The following CA10 variants were observed in gnomAD, a reference collection of about 807,000 sequenced individuals.
CA10 encodes the protein carbonic anhydrase-related protein 10.
Under a neutral mutation model 44.2 loss-of-function variants are expected in CA10, and 14 were observed. The ratio of observed to expected loss-of-function variants is 0.32; its 90% CI spans 0.21 to 0.50. The LOEUF is 0.50. Among genes scored for constraint, CA10 ranks in the 20% least tolerant of loss-of-function variants. The pLI, the probability that CA10 is intolerant of heterozygous loss-of-function variation, is 0.99. For synonymous variants in CA10, 159 were observed against 141.6 expected (o/e 1.12, Z -0.87); for missense variants, 350 against 409.7 (o/e 0.85, Z 1.26).
chr17:52,070,336 C>CCTCTT (rs61407718), intron 2 of CA10: 150,677 of 152,238 alleles, frequency 0.99, 74,583 homozygotes, highest in East Asian at 1. Flanking sequence ...TAATTGTCTC[C>CCTCTT]CTCAAGCAGA....
At chr17:51,908,772 A>T (rs1436085620) in intron 3 of CA10, among the ~76,000 whole-genome samples, 1 of 152,180 alleles carries the variant, frequency 6.6e-6, no homozygotes, top group African/African-American at 2.4e-5. Context: ...CTCCTGTCGC[A>T]TTCACTGGAT....
At chr17:52,003,916 G>C (rs1386036981) in intron 2 of CA10, among the ~76,000 whole-genome samples, 3 of 145,346 alleles carry the variant, frequency 2.1e-5, no homozygotes, top group Non-Finnish European at 4.5e-5. Flanking sequence ...ATTCAGAATA[G>C]ATACTTATAG....
intron 3 of CA10, among the ~76,000 whole-genome samples, chr17:51,825,659 G>C (rs113361631): frequency 6.3e-4 from 96 of 152,292 alleles, no homozygotes; most frequent in African/African-American, 2.3e-3. Flanking sequence ...ACTTTTGCAC[G>C]TTTCTGTTTT....
At chr17:51,955,367 G>T (rs191851996) in intron 2 of CA10, among the ~76,000 whole-genome samples, 1 of 152,068 alleles carries the variant, frequency 6.6e-6, no homozygotes, top group South Asian at 2.1e-4. Context: ...TGTAAAGTCC[G>T]CATTCCTTAG....
At chr17:52,119,654 C>G (rs144689777) in intron 1 of CA10, among the ~76,000 whole-genome samples, 1 of 152,294 alleles carries the variant, frequency 6.6e-6, no homozygotes, top group African/African-American at 2.4e-5. Flanking sequence ...CAAAGCCAAT[C>G]TGAAAGGCCT....
At chr17:51,877,408 C>T (rs180844936) in intron 3 of CA10, among the ~76,000 whole-genome samples, 3 of 152,296 alleles carry the variant, frequency 2.0e-5, no homozygotes, top group Admixed American at 2.0e-4. Context: ...GCATTTAACA[C>T]AATTCTTGGC....
intron 4 of CA10, among the ~76,000 whole-genome samples, chr17:51,689,010 G>A (rs375580321): frequency 4.6e-5 from 7 of 152,194 alleles, no homozygotes; most frequent in Admixed American, 2.0e-4. Context: ...AAGGGGTAAC[G>A]GAGGCACAGA....
chr17:51,706,359 C>T (rs1049884007), intron 4 of CA10, among the ~76,000 whole-genome samples: 1 of 152,232 alleles, frequency 6.6e-6, no homozygotes, highest in African/African-American at 2.4e-5. Flanking sequence ...CTGTACATTT[C>T]TGTGGCTCTA....
At chr17:52,027,937 G>A (rs935653082) in intron 2 of CA10, among the ~76,000 whole-genome samples, 3 of 152,108 alleles carry the variant, frequency 2.0e-5, no homozygotes, top group African/African-American at 7.2e-5. Flanking sequence ...AGAGCTTCTG[G>A]GATCCTACTT....
intron 3 of CA10, among the ~76,000 whole-genome samples, chr17:51,863,765 G>A (rs906299213): frequency 6.6e-6 from 1 of 152,198 alleles, no homozygotes; most frequent in African/African-American, 2.4e-5. Context: ...AGTAAGAGAT[G>A]CATAGAAAGA....
chr17:51,722,247 C>T (rs1010726104), intron 4 of CA10, among the ~76,000 whole-genome samples: 16 of 152,064 alleles, frequency 1.1e-4, no homozygotes, highest in Admixed American at 9.2e-4. Flanking sequence ...TTGTCTAATG[C>T]ACCGAGAGTG....
intron 2 of CA10, among the ~76,000 whole-genome samples, chr17:52,002,602 C>T (rs982564668): frequency 6.6e-6 from 1 of 151,940 alleles, no homozygotes; most frequent in Non-Finnish European, 1.5e-5. Context: ...TATATCTACA[C>T]TTATTTATGG....
At chr17:51,861,307 T>C (rs1197695693) in intron 3 of CA10, among the ~76,000 whole-genome samples, 1 of 152,144 alleles carries the variant, frequency 6.6e-6, no homozygotes, top group Non-Finnish European at 1.5e-5. Flanking sequence ...GTTTGCAGTT[T>C]CTCCAACGTT....
intron 1 of CA10, among the ~76,000 whole-genome samples, chr17:52,075,219 T>C (rs1987786955): frequency 6.6e-6 from 1 of 152,208 alleles, no homozygotes; most frequent in Admixed American, 6.5e-5. Flanking sequence ...CAAAATATTA[T>C]ATATTTCAAT....
intron 3 of CA10, among the ~76,000 whole-genome samples, chr17:51,918,935 T>C (rs1486441783): frequency 6.6e-6 from 1 of 152,202 alleles, no homozygotes; most frequent in Non-Finnish European, 1.5e-5. Context: ...TAAAGTTGTA[T>C]CTATATGACA....
intron 3 of CA10, among the ~76,000 whole-genome samples, chr17:51,887,810 T>TAAGTA (rs1980675478): frequency 7.1e-6 from 1 of 140,162 alleles, no homozygotes; most frequent in African/African-American, 2.7e-5. Context: ...GCCAAGATGG[T>TAAGTA]GAAACCCCTA....
At chr17:51,784,564 T>C (rs1456504730) in intron 3 of CA10, among the ~76,000 whole-genome samples, 1 of 152,212 alleles carries the variant, frequency 6.6e-6, no homozygotes, top group African/African-American at 2.4e-5. Flanking sequence ...TCAACCTCCA[T>C]GAGAACAACT....
chr17:52,053,609 A>T (rs1987139462), intron 2 of CA10, among the ~76,000 whole-genome samples: 1 of 152,126 alleles, frequency 6.6e-6, no homozygotes, highest in Admixed American at 6.6e-5. Flanking sequence ...AAAGCCAAAG[A>T]AGAAATATGG....
chr17:52,080,448 T>A (rs931967619), intron 1 of CA10, among the ~76,000 whole-genome samples: 3 of 138,704 alleles, frequency 2.2e-5, no homozygotes, highest in Non-Finnish European at 4.6e-5. Flanking sequence ...CGAGACTCCA[T>A]CTCAAAAATA....
Sources: gnomAD v4.1 joint callset for allele counts (sites outside exome capture counted in the v4.1 genomes callset) on GRCh38, gnomAD v4.1.1 for gene constraint, MANE v1.5 for transcripts, NCBI Gene and HGNC (gene_info 2026-07-23, HGNC 2026-07-21) for gene names.